The following GAB4 variants were observed in gnomAD, a reference collection of about 807,000 sequenced individuals.
The protein encoded by GAB4 is GRB2 associated binding protein family member 4.
In GAB4, 26 loss-of-function variants were observed where a neutral mutation model predicts 51.3. That is an observed-to-expected ratio of 0.51 (90% CI 0.37 to 0.70). The LOEUF (loss-of-function observed/expected upper bound fraction) is 0.70, where lower values mean the gene tolerates loss of function less well. Among genes scored for constraint, GAB4 ranks in the 30% least tolerant of loss-of-function variants. The probability of loss-of-function intolerance (pLI) is 0.00; values close to 1 mark genes in which losing one functional copy is unlikely to be tolerated. For synonymous variants in GAB4, 329 were observed against 291.2 expected (o/e 1.13, Z -1.32); for missense variants, 759 against 734.6 (o/e 1.03, Z -0.38).
At chr22:16,963,618 G>C in intron 9 of GAB4, 107 bp downstream of exon 9, 1 of 758,386 alleles carries the variant, frequency 1.3e-6, no homozygotes, top group Admixed American at 2.1e-5. Flanking sequence ...ACTGGGCTGG[G>C]AGTGGCAGCC....
At chr22:16,974,676 TTAAA>T (rs1156518363) in intron 3 of GAB4, among the ~76,000 whole-genome samples, 7 of 152,214 alleles carry the variant, frequency 4.6e-5, no homozygotes, top group Non-Finnish European at 7.3e-5. Context: ...GTCACTGCAT[TTAAA>T]TAAATAAACA....
rs1329177548 is a variant in GAB4, at chr22:17,008,065, G to C, written c.50C>G (p.Pro17Arg). The C allele has an allele frequency of 3.7e-6, 6 of 1,608,022 alleles. No homozygotes were observed. The highest frequency in any genetic ancestry group is 2.2e-5 in the South Asian group (2 of 89,794). The change falls in exon 1 of 10, where the codon CCG becomes CGG. Residue 17 changes from proline (P) to arginine (R), a missense_variant. Coordinates refer to ENST00000400588, the MANE Select transcript of GAB4 (RefSeq NM_001037814.1). ...CCACGAAGACAAAGGCGCAAATGCC[G>C]GGTCAGGTGGGCACAGCTCCCGGGA... is the stretch of plus-strand genomic sequence containing the variant. ...SPSRELCPPD[P>R]AFAPLSSWPG... is the part of the protein sequence containing the mutation.
intron 2 of GAB4, among the ~76,000 whole-genome samples, chr22:16,990,088 C>T (rs1240763234): frequency 6.6e-6 from 1 of 152,228 alleles, no homozygotes; most frequent in Admixed American, 6.5e-5. Flanking sequence ...ATCACTGTGA[C>T]TCTTCACTCT....
intron 3 of GAB4, among the ~76,000 whole-genome samples, chr22:16,984,529 G>A (rs189525429): frequency 1.3e-4 from 20 of 152,262 alleles, no homozygotes; most frequent in African/African-American, 3.6e-4. Flanking sequence ...CTGGTTCTCC[G>A]TAAGCTGAGA....
intron 3 of GAB4, among the ~76,000 whole-genome samples, chr22:16,976,976 A>G (rs1446414992): frequency 6.6e-6 from 1 of 152,168 alleles, no homozygotes. Context: ...ATGCTGAGAG[A>G]TTTTTGTCAC....
chr22:16,972,343 G>A (rs1229775310), intron 3 of GAB4, among the ~76,000 whole-genome samples: 6 of 152,200 alleles, frequency 3.9e-5, no homozygotes, highest in East Asian at 1.9e-4. Flanking sequence ...GAGTGAGCCC[G>A]GAAGGATCTG....
chr22:16,992,274 G>C, intron 1 of GAB4, 98 bp from the exon 2 acceptor site: 1 of 1,061,412 alleles, frequency 9.4e-7, no homozygotes, highest in Non-Finnish European at 1.4e-6. Flanking sequence ...ACTCGGACCT[G>C]CACTCAGCCT....
chr22:16,974,725 T>C (rs1015646875), intron 3 of GAB4, among the ~76,000 whole-genome samples: 9 of 152,230 alleles, frequency 5.9e-5, no homozygotes, highest in African/African-American at 2.2e-4. Flanking sequence ...GCTGGCAAGA[T>C]GGCCAAATAG....
chr22:16,990,367 C>CAA, intron 2 of GAB4, among the ~76,000 whole-genome samples: 1 of 152,156 alleles, frequency 6.6e-6, no homozygotes, highest in Middle Eastern at 3.2e-3. Flanking sequence ...GTTTTGTTCT[C>CAA]AGAATCAAGC....
intron 1 of GAB4, among the ~76,000 whole-genome samples, chr22:17,005,222 G>A (rs1343397758): frequency 6.6e-6 from 1 of 152,142 alleles, no homozygotes; most frequent in East Asian, 1.9e-4. Flanking sequence ...CAAATAGAGA[G>A]CCAAATCATG....
rs762656322 is a variant in GAB4, at chr22:16,965,238, T to C, written c.1319A>G (p.Asn440Ser). Residue 440 changes from asparagine (N) to serine (S), a missense_variant, in exon 7 of 10, where the codon AAC becomes AGC. By Grantham distance (46) the Asn-to-Ser change is conservative. Transcript: ENST00000400588. ...GAAGGAGAGCTCATTGATGACCCTGTTGTTTCTCAGGTTGGGCGGTGTTGG... is the reference window on the plus strand; with the variant it reads ...GAAGGAGAGCTCATTGATGACCCTGCTGTTTCTCAGGTTGGGCGGTGTTGG... Reference protein sequence around the residue: ...ANPTPPNLRNNRVINELSFKP... With the variant: ...ANPTPPNLRNSRVINELSFKP... The C allele has an allele frequency of 1.9e-6, 3 of 1,613,918 alleles. No homozygotes were observed. In the Admixed American group the frequency reaches 5.0e-5, roughly 27 times the overall value.
chr22:16,985,261 T>G (rs909419641), intron 3 of GAB4, among the ~76,000 whole-genome samples: 5 of 152,240 alleles, frequency 3.3e-5, no homozygotes, highest in African/African-American at 1.2e-4. Flanking sequence ...TTTAAAGTCT[T>G]TGTAGGCTAG....
chr22:17,000,600 A>T (rs1011721179), intron 1 of GAB4, among the ~76,000 whole-genome samples: 1 of 152,120 alleles, frequency 6.6e-6, no homozygotes, highest in Non-Finnish European at 1.5e-5. Flanking sequence ...CCAATTTGCC[A>T]GTCTGTGTCT....
chr22:16,964,908 G>A, intron 7 of GAB4, 46 bp from the exon 8 acceptor site: 5 of 1,478,170 alleles, frequency 3.4e-6, no homozygotes, highest in Non-Finnish European at 9.4e-7. Flanking sequence ...TGGGGCTCAG[G>A]GCTGCTGTCA....
chr22:16,963,209 C>T (rs2060643376), intron 9 of GAB4, among the ~76,000 whole-genome samples: 1 of 152,162 alleles, frequency 6.6e-6, no homozygotes, highest in Non-Finnish European at 1.5e-5. Context: ...CCAGCCTAGG[C>T]CTTTCCAGGG....
chr22:16,994,467 A>G (rs181304389), intron 1 of GAB4, among the ~76,000 whole-genome samples: 1 of 152,356 alleles, frequency 6.6e-6, no homozygotes, highest in East Asian at 1.9e-4. Context: ...TACATGGTGC[A>G]GGTGTTATGT....
At chr22:16,983,224 C>T (rs2060841196) in intron 3 of GAB4, among the ~76,000 whole-genome samples, 1 of 152,162 alleles carries the variant, frequency 6.6e-6, no homozygotes, top group Non-Finnish European at 1.5e-5. Flanking sequence ...CAATAAATAG[C>T]ATGGGCTCCC....
At chr22:16,973,190 G>A (rs2060747602) in intron 3 of GAB4, among the ~76,000 whole-genome samples, 1 of 152,136 alleles carries the variant, frequency 6.6e-6, no homozygotes. Flanking sequence ...GCAGCAAATT[G>A]CTATCTGAGT....
chr22:16,971,738 G>A (rs534868681), intron 3 of GAB4, among the ~76,000 whole-genome samples: 8 of 152,338 alleles, frequency 5.3e-5, no homozygotes, highest in African/African-American at 1.9e-4. Context: ...CTGCCTCACT[G>A]GTATGCTCTC....
Sources: gnomAD v4.1 joint callset for allele counts (sites outside exome capture counted in the v4.1 genomes callset) on GRCh38, gnomAD v4.1.1 for gene constraint, MANE v1.5 for transcripts, NCBI Gene and HGNC (gene_info 2026-07-23, HGNC 2026-07-21) for gene names.